Variants in ZFHX3 observed in about 807,000 individuals in gnomAD.
ZFHX3 encodes zinc finger homeobox 3.
Under a neutral mutation model 279.1 loss-of-function variants are expected in ZFHX3, and 42 were observed. The ratio of observed to expected loss-of-function variants is 0.15; its 90% CI spans 0.12 to 0.19. The LOEUF (loss-of-function observed/expected upper bound fraction) is 0.19, where lower values mean the gene tolerates loss of function less well. Among genes scored for constraint, ZFHX3 ranks in the 10% least tolerant of loss-of-function variants. ZFHX3 has a pLI of 1.00. For synonymous variants in ZFHX3, 2,293 were observed against 1,957.8 expected (o/e 1.17, Z -4.52); for missense variants, 4,981 against 4,754.0 (o/e 1.05, Z -1.40).
intron 2 of ZFHX3, among the ~76,000 whole-genome samples, chr16:73,640,761 G>A (rs1006234826): frequency 2.6e-5 from 4 of 152,032 alleles, no homozygotes; most frequent in Non-Finnish European, 4.4e-5. Context: ...AACGAAAACC[G>A]AGGTAAACAA....
At chr16:73,739,245 T>A (rs1461386311) in intron 1 of ZFHX3, among the ~76,000 whole-genome samples, 2 of 152,202 alleles carry the variant, frequency 1.3e-5, no homozygotes, top group African/African-American at 4.8e-5. Flanking sequence ...TACAGATAAT[T>A]TTCTGTCTGG....
rs531446763 is a variant in ZFHX3 at position 73,678,553 on chromosome 16, T to A, written c.-1547+1627A>T. ...TTTATAAAGGTCAAGTCTTCTAAAA[T>A]CTGGTATTGCATTAATTCAAGTACA... On this transcript the variant is annotated intron_variant, in intron 2 of 17. Transcript: ENST00000641206. 1.5e-4 allele frequency among the ~76,000 whole-genome samples: 23 copies of A among 152,330 alleles called. No homozygotes were observed. The East Asian group carries it at 4.4e-3, about 29-fold the overall frequency.
chr16:73,671,851 CCT>C (rs2052907160), intron 2 of ZFHX3, among the ~76,000 whole-genome samples: 1 of 152,114 alleles, frequency 6.6e-6, no homozygotes, highest in South Asian at 2.1e-4. Flanking sequence ...CTGTAATATT[CCT>C]CTCTATAAAT....
At chr16:73,650,907 C>A (rs1294578728) in intron 2 of ZFHX3, among the ~76,000 whole-genome samples, 3 of 152,006 alleles carry the variant, frequency 2.0e-5, no homozygotes, top group Admixed American at 1.3e-4. Context: ...AAAAGAACAA[C>A]TATGTCAGGA....
chr16:73,001,931 G>A (rs1266176419), intron 1 of ZFHX3, among the ~76,000 whole-genome samples: 1 of 152,082 alleles, frequency 6.6e-6, no homozygotes, highest in Admixed American at 6.6e-5. Flanking sequence ...TCACCATGTG[G>A]CATTACCTAT....
intron 2 of ZFHX3, among the ~76,000 whole-genome samples, chr16:73,533,950 G>C (rs1214067935): frequency 6.6e-6 from 1 of 152,094 alleles, no homozygotes; most frequent in Non-Finnish European, 1.5e-5. Flanking sequence ...CCCTTGATCT[G>C]CCCTTGCTTT....
chr16:73,793,463 C>G (rs775761778), intron 1 of ZFHX3, among the ~76,000 whole-genome samples: 3 of 152,226 alleles, frequency 2.0e-5, no homozygotes, highest in Non-Finnish European at 4.4e-5. Flanking sequence ...GTGCCTGGTA[C>G]CTTGATGCAA....
At chr16:73,307,392 G>A (rs2015206667) in intron 4 of ZFHX3, among the ~76,000 whole-genome samples, 1 of 152,260 alleles carries the variant, frequency 6.6e-6, no homozygotes, top group Non-Finnish European at 1.5e-5. Flanking sequence ...GACCCCATGA[G>A]GATAGTGAGC....
intron 2 of ZFHX3, among the ~76,000 whole-genome samples, chr16:72,953,782 C>T (rs1961111564): frequency 6.6e-6 from 1 of 152,120 alleles, no homozygotes. Flanking sequence ...AGATGTTGCC[C>T]AGACTGGTCT....
intron 1 of ZFHX3, among the ~76,000 whole-genome samples, chr16:73,687,640 G>C (rs546962509): frequency 6.6e-6 from 1 of 151,392 alleles, no homozygotes; most frequent in Non-Finnish European, 1.5e-5. Flanking sequence ...TCAAGAGATC[G>C]AGACCATCCT....
intron 4 of ZFHX3, among the ~76,000 whole-genome samples, chr16:72,849,753 G>A (rs2037565589): frequency 2.0e-5 from 3 of 151,716 alleles, no homozygotes; most frequent in Admixed American, 2.0e-4. Context: ...TCACTTCCCT[G>A]GTTGTTCGAG....
chr16:73,231,499 A>C (rs1050939168), intron 5 of ZFHX3, among the ~76,000 whole-genome samples: 1 of 151,990 alleles, frequency 6.6e-6, no homozygotes, highest in Non-Finnish European at 1.5e-5. Context: ...ATCTGTGCTC[A>C]CTCTTTCTAC....
At chr16:72,801,171 G>A (rs904072579) in intron 7 of ZFHX3, among the ~76,000 whole-genome samples, 1 of 152,154 alleles carries the variant, frequency 6.6e-6, no homozygotes, top group Non-Finnish European at 1.5e-5. Context: ...CCTCCCATTT[G>A]ATGATAGCTG....
intron 4 of ZFHX3, among the ~76,000 whole-genome samples, chr16:73,275,039 T>C (rs1291128582): frequency 6.6e-6 from 1 of 152,222 alleles, no homozygotes; most frequent in African/African-American, 2.4e-5. Flanking sequence ...CACAGAGATG[T>C]ACAGAGCCTG....
intron 4 of ZFHX3, among the ~76,000 whole-genome samples, chr16:72,864,318 G>C (rs1211546776): frequency 1.3e-5 from 2 of 152,076 alleles, no homozygotes; most frequent in African/African-American, 4.8e-5. Context: ...CATGTCTCTA[G>C]GGCTTTGAAG....
chr16:73,314,183 T>G (rs887647113), intron 4 of ZFHX3, among the ~76,000 whole-genome samples: 14 of 152,172 alleles, frequency 9.2e-5, no homozygotes, highest in African/African-American at 3.4e-4. Flanking sequence ...AAGGCCTGAA[T>G]AGAATAGAAA....
intron 1 of ZFHX3, among the ~76,000 whole-genome samples, chr16:73,804,834 A>G (rs947241124): frequency 2.4e-4 from 36 of 150,530 alleles, no homozygotes; most frequent in African/African-American, 8.6e-4. Context: ...TTCTATGGCC[A>G]AAACACTATA....
chr16:73,859,482 G>A (rs1961825917), intron 1 of ZFHX3, among the ~76,000 whole-genome samples: 1 of 152,164 alleles, frequency 6.6e-6, no homozygotes, highest in Non-Finnish European at 1.5e-5. Context: ...CATTAACTGG[G>A]TGTATGACCT....
chr16:72,796,365 G>T lies in ZFHX3; in HGVS notation c.6317C>A (p.Pro2106Gln). 6.2e-7 allele frequency: 1 copy of T among 1,613,816 alleles called. No individual in the cohort carries two copies. Among genetic ancestry groups the T allele is most frequent in the Non-Finnish European group, 8.5e-7 (1 of 1,180,006 alleles). Residue 2106 changes from proline to glutamine, a missense_variant, in exon 9 of 10, where the codon CCG (proline) becomes CAG (glutamine). This residue lies in a region of ZFHX3 where 1,751 missense variants were observed against 1,770.0 expected (regional missense o/e 0.99). Transcript: ENST00000268489. ...IFSPLMMQTM[P>Q]LQTLPAQLPP... ...TAGCTGAGCCGGCAAGGTCTGCAGC[G>T]GCATCGTCTGCATCATCAGCGGCGA... is the stretch of plus-strand genomic sequence containing the variant.
Sources: gnomAD v4.1 joint callset for allele counts (sites outside exome capture counted in the v4.1 genomes callset) on GRCh38, gnomAD v4.1.1 for gene constraint, gnomAD v4.1.1 regional missense constraint, MANE v1.5 for transcripts, NCBI Gene and HGNC (gene_info 2026-07-23, HGNC 2026-07-21) for gene names.